The following TIMP3 variants were observed in gnomAD, a reference collection of about 807,000 sequenced individuals.
TIMP3 encodes TIMP metallopeptidase inhibitor 3.
Under a neutral mutation model 30.0 loss-of-function variants are expected in TIMP3, and 11 were observed. The ratio of observed to expected loss-of-function variants is 0.37; its 90% CI spans 0.23 to 0.61. The LOEUF is 0.61. Among genes scored for constraint, TIMP3 ranks in the 20% least tolerant of loss-of-function variants. The probability of loss-of-function intolerance (pLI) is 0.70; values close to 1 mark genes in which losing one functional copy is unlikely to be tolerated. For synonymous variants in TIMP3, 112 were observed against 111.3 expected, an observed-to-expected ratio of 1.01 and a Z score of -0.04; for missense variants, 181 against 276.8, an observed-to-expected ratio of 0.65 and a Z score of 2.45.
In TIMP3 at chr22:32,860,382, C is replaced by T. The variant is rs989882762; in HGVS notation, c.*1005C>T. 1 of 152,636 alleles carries T rather than the reference C, an allele frequency of 6.6e-6. No homozygotes were observed. The highest frequency in any genetic ancestry group is 1.5e-5 in the Non-Finnish European group (1 of 68,048). The allele number at this position is 152,636 out of a possible 1,614,324, so 9.5% of individuals were successfully genotyped here. ...TCACCTAGGGGGATATGTTTGTATA[C>T]ACATTTGCATATACCCACATGGGGA... On this transcript the variant is annotated 3_prime_UTR_variant, in exon 5 of 5. Transcript: ENST00000266085.
chr22:32,833,892 C>T (rs771328811), intron 1 of TIMP3: 4 of 498,680 alleles, frequency 8.0e-6, no homozygotes, highest in Admixed American at 2.0e-5. Flanking sequence ...CCTATTGTAA[C>T]TAATAATAGT....
chr22:32,827,632 C>T (rs1034840320), intron 1 of TIMP3, among the ~76,000 whole-genome samples: 2 of 152,194 alleles, frequency 1.3e-5, no homozygotes, highest in Non-Finnish European at 2.9e-5. Flanking sequence ...ATCCTTTCTC[C>T]AACAAGTAGA....
At chr22:32,834,356 T>C (rs1463685136) in intron 1 of TIMP3, among the ~76,000 whole-genome samples, 3 of 151,568 alleles carry the variant, frequency 2.0e-5, no homozygotes, top group African/African-American at 7.3e-5. Flanking sequence ...AGAAACGGGG[T>C]TCCACCGTGT....
intron 3 of TIMP3, 25 bp from the exon 4 acceptor site, chr22:32,857,992 C>T (rs2048419585): frequency 6.2e-7 from 1 of 1,613,972 alleles, no homozygotes; most frequent in Non-Finnish European, 8.5e-7. Context: ...ACAACCTCTC[C>T]TTGTTTTCTT....
chr22:32,813,945 G>A (rs1319384625), intron 1 of TIMP3, among the ~76,000 whole-genome samples: 1 of 152,112 alleles, frequency 6.6e-6, no homozygotes, highest in Non-Finnish European at 1.5e-5. Context: ...ATAAATGTCA[G>A]CCATCATATT....
chr22:32,859,454 G>A lies in TIMP3; in HGVS notation c.*77G>A, dbSNP rs1042411238. 7.1e-5 allele frequency: 107 copies of A among 1,516,180 alleles called. No homozygotes were observed. The highest frequency in any genetic ancestry group is 8.7e-5 in the Non-Finnish European group (98 of 1,129,406). 93.9% of individuals were successfully genotyped at this position (1,516,180 alleles called of 1,614,324 possible). Reference sequence around the variant, plus strand: ...TGGACACTAACTCTTCCCAGATGATGACAATGAAATTAGTGCCTGTTTTCT... The same window carrying A: ...TGGACACTAACTCTTCCCAGATGATAACAATGAAATTAGTGCCTGTTTTCT... On this transcript the variant is annotated 3_prime_UTR_variant, in exon 5 of 5. Transcript: ENST00000266085.
chr22:32,826,503 A>G (rs2047418172), intron 1 of TIMP3, among the ~76,000 whole-genome samples: 2 of 152,226 alleles, frequency 1.3e-5, no homozygotes, highest in Admixed American at 6.5e-5. Context: ...TGGAGAAAGT[A>G]GAAAACCAGA....
chr22:32,803,928 A>G (rs920572353), intron 1 of TIMP3, among the ~76,000 whole-genome samples: 3 of 152,126 alleles, frequency 2.0e-5, no homozygotes, highest in Non-Finnish European at 2.9e-5. Flanking sequence ...TTGACCACGG[A>G]AAAGTGAAAA....
chr22:32,847,462 C>T (rs539033976), intron 1 of TIMP3, among the ~76,000 whole-genome samples: 5 of 152,266 alleles, frequency 3.3e-5, no homozygotes, highest in African/African-American at 1.2e-4. Context: ...GTTTTGCCAT[C>T]GCCGGCAGGG....
rs879905574 is a variant in TIMP3 at position 32,862,305 on chromosome 22, C to G, written c.*2928C>G. On this transcript the variant is annotated 3_prime_UTR_variant, in exon 5 of 5. Coordinates refer to ENST00000266085, the MANE Select transcript of TIMP3 (RefSeq NM_000362.5). ...CTCCCAATCAAGGAAGCTCCATGCT[C>G]AGGCTCTCAGCTCTCGGGCCAGTGC... 6.6e-6 allele frequency: 1 copy of G among 152,308 alleles called. No homozygotes were observed. The highest frequency in any genetic ancestry group is 1.5e-5 in the Non-Finnish European group (1 of 68,124). 9.4% of individuals were successfully genotyped at this position (152,308 alleles called of 1,614,324 possible). A position where few individuals can be genotyped will look rare whatever the true frequency, so the allele number is the denominator to read the frequency against.
intron 1 of TIMP3, among the ~76,000 whole-genome samples, chr22:32,814,012 C>T (rs1414357861): frequency 6.6e-6 from 1 of 151,852 alleles, no homozygotes; most frequent in Non-Finnish European, 1.5e-5. Context: ...TGCTCACCAG[C>T]TCATTGCCTG....
chr22:32,859,656 T>G lies in TIMP3; in HGVS notation c.*279T>G. ...AATGAGGAACCTGTATTCCTCTTCT[T>G]CGTGATAATATAATCTCTATTTTTT... is the stretch of plus-strand genomic sequence containing the variant. On this transcript the variant is annotated 3_prime_UTR_variant, in exon 5 of 5. Transcript: ENST00000266085. The G allele has an allele frequency of 2.1e-6, 1 of 479,212 alleles. No homozygotes were observed. Among genetic ancestry groups the G allele is most frequent in the South Asian group, 3.0e-5 (1 of 33,254 alleles). The allele number at this position is 479,212 out of a possible 1,614,324, so 29.7% of individuals were successfully genotyped here. A position where few individuals can be genotyped will look rare whatever the true frequency, so the allele number is the denominator to read the frequency against.
At chr22:32,807,080 C>T (rs1047245411) in intron 1 of TIMP3, among the ~76,000 whole-genome samples, 1 of 150,890 alleles carries the variant, frequency 6.6e-6, no homozygotes, top group Admixed American at 6.7e-5. Context: ...AGCACCTTCT[C>T]CAGCTGGGAC....
intron 1 of TIMP3, among the ~76,000 whole-genome samples, chr22:32,847,215 A>G (rs1216132972): frequency 6.6e-6 from 1 of 152,210 alleles, no homozygotes; most frequent in African/African-American, 2.4e-5. Flanking sequence ...TGAAGCTGTT[A>G]TAACCTGCCT....
intron 1 of TIMP3, among the ~76,000 whole-genome samples, chr22:32,836,172 A>C (rs130300): frequency 2.0e-5 from 3 of 151,814 alleles, no homozygotes; most frequent in South Asian, 2.1e-4. Flanking sequence ...ATTTTGGGGA[A>C]TGGTTTTAAG....
At chr22:32,820,599 C>A in intron 1 of TIMP3, among the ~76,000 whole-genome samples, 1 of 152,188 alleles carries the variant, frequency 6.6e-6, no homozygotes, top group Non-Finnish European at 1.5e-5. Context: ...TTAGTTGGCA[C>A]ATCTTGCTTC....
intron 1 of TIMP3, among the ~76,000 whole-genome samples, chr22:32,820,720 T>C (rs553224556): frequency 6.6e-5 from 10 of 152,212 alleles, no homozygotes; most frequent in African/African-American, 1.7e-4. Flanking sequence ...AAGGGGAGGT[T>C]TGGGGCTTGG....
Position 32,858,003 on chromosome 22 carries a change from CT to C in TIMP3, c.317-11del, listed in dbSNP as rs761484295. 1 of 1,614,188 alleles carries C rather than the reference CT, an allele frequency of 6.2e-7. No homozygotes were observed. The highest frequency in any genetic ancestry group is 8.5e-7 in the Non-Finnish European group (1 of 1,180,032). On this transcript the variant is annotated splice_polypyrimidine_tract_variant and intron_variant, in intron 3 of 4. Transcript: ENST00000266085. ...CAAAACAACCTCTCCTTGTTTTCTT[CT>C]TTCCTCCTGTAGGTCGCGTCTATGA...
chr22:32,823,323 G>T (rs1454186870), intron 1 of TIMP3, among the ~76,000 whole-genome samples: 1 of 152,184 alleles, frequency 6.6e-6, no homozygotes, highest in Non-Finnish European at 1.5e-5. Flanking sequence ...GCAGGAGATG[G>T]GACCTGCCAC....
Sources: gnomAD v4.1 joint callset for allele counts (sites outside exome capture counted in the v4.1 genomes callset) on GRCh38, gnomAD v4.1.1 for gene constraint, MANE v1.5 for transcripts, NCBI Gene and HGNC (gene_info 2026-07-23, HGNC 2026-07-21) for gene names.